Variants in RBFOX1 observed in about 807,000 individuals in gnomAD.
RBFOX1 encodes RNA binding fox-1 homolog 1.
Under a neutral mutation model 57.7 loss-of-function variants are expected in RBFOX1, and 8 were observed. That is an observed-to-expected ratio of 0.14 (90% confidence interval 0.08 to 0.25). The LOEUF (loss-of-function observed/expected upper bound fraction) is 0.25, where lower values mean the gene tolerates loss of function less well. Among genes scored for constraint, RBFOX1 ranks in the 10% least tolerant of loss-of-function variants. The pLI, the probability that RBFOX1 is intolerant of heterozygous loss-of-function variation, is 1.00. For missense variants in RBFOX1, 611 were observed against 548.5 expected, an observed-to-expected ratio of 1.11 and a Z score of -1.14; for synonymous variants, 326 against 222.4, an observed-to-expected ratio of 1.47 and a Z score of -4.15.
At chr16:7,704,065 A>G (rs542556053) in intron 14 of RBFOX1, among the ~76,000 whole-genome samples, 1 of 152,308 alleles carries the variant, frequency 6.6e-6, no homozygotes, top group African/African-American at 2.4e-5. Context: ...TCAGTCAGAA[A>G]ACTACTGCTT....
intron 3 of RBFOX1, among the ~76,000 whole-genome samples, chr16:6,676,418 G>C (rs1207098796): frequency 6.6e-6 from 1 of 152,074 alleles, no homozygotes; most frequent in African/African-American, 2.4e-5. Context: ...ACTCTCAATA[G>C]TAAATAAAGG....
intron 2 of RBFOX1, among the ~76,000 whole-genome samples, chr16:6,515,671 C>T (rs912277332): frequency 2.6e-5 from 4 of 152,116 alleles, no homozygotes; most frequent in African/African-American, 9.7e-5. Context: ...AATCTGCCTG[C>T]CTTCTCTTAT....
chr16:6,941,026 A>C (rs111359662), intron 3 of RBFOX1, among the ~76,000 whole-genome samples: 1 of 151,856 alleles, frequency 6.6e-6, no homozygotes, highest in African/African-American at 2.4e-5. Context: ...GTATACTTCT[A>C]TATGTGTATG....
intron 3 of RBFOX1, among the ~76,000 whole-genome samples, chr16:6,976,051 C>G (rs550311147): frequency 6.6e-6 from 1 of 152,072 alleles, no homozygotes; most frequent in Non-Finnish European, 1.5e-5. Flanking sequence ...TGCTTGAACC[C>G]AGTAGGTGGA....
rs148472437 is a variant in RBFOX1 at position 6,009,816 on chromosome 16, C to CTGTGTGTGTGTGTGTGTGTGTGTGTGTG, written c.351+142500_351+142501insGTGTGTGTGTGTGTGTGTGTGTGTGTGT. On this transcript the variant is annotated intron_variant, in intron 4 of 19. Transcript: ENST00000641259. ...GCAGTGTGTGTATGTGTGTGTGTGT[C>CTGTGTGTGTGTGTGTGTGTGTGTGTGTG]TGTGTGTGTGTGTGTGTGTATAGGG... Among the ~76,000 whole-genome samples the CTGTGTGTGTGTGTGTGTGTGTGTGTGTG allele has an allele frequency of 1.4e-3, 205 of 148,532 alleles. 5 individuals are homozygous for CTGTGTGTGTGTGTGTGTGTGTGTGTGTG. The highest frequency in any genetic ancestry group is 4.8e-3 in the African/African-American group (191 of 39,878).
Position 7,409,073 on chromosome 16 carries a change from C to T in RBFOX1, c.28-109074C>T, listed in dbSNP as rs146651145. Among the ~76,000 whole-genome samples, 709 of 152,312 alleles carry T rather than the reference C, an allele frequency of 4.7e-3. 4 individuals are homozygous for T. Among genetic ancestry groups the T allele is most frequent in the African/African-American group, 0.016 (651 of 41,552 alleles). Reference sequence around the variant, plus strand: ...TGCAAAGACGAGATTGCCTTGAACTCCTCCAGCTTTTCCCGATAACCCTGA... The same window carrying T: ...TGCAAAGACGAGATTGCCTTGAACTTCTCCAGCTTTTCCCGATAACCCTGA... On this transcript the variant is annotated intron_variant, in intron 4 of 15. Coordinates refer to ENST00000550418, the MANE Select transcript of RBFOX1 (RefSeq NM_018723.4).
At chr16:7,031,599 T>TAA (rs139080406) in intron 3 of RBFOX1, among the ~76,000 whole-genome samples, 36 of 145,358 alleles carry the variant, frequency 2.5e-4, no homozygotes, top group East Asian at 1.4e-3. Context: ...AGACCCTGCC[T>TAA]AAAAAAAAAA....
chr16:5,836,830 G>A (rs951878740), intron 3 of RBFOX1, among the ~76,000 whole-genome samples: 15 of 152,182 alleles, frequency 9.9e-5, no homozygotes, highest in African/African-American at 3.6e-4. Context: ...GCACCCAGAT[G>A]AGAATGCTTG....
intron 4 of RBFOX1, among the ~76,000 whole-genome samples, chr16:5,964,896 G>GTA (rs907256242): frequency 4.6e-5 from 7 of 151,954 alleles, no homozygotes; most frequent in Non-Finnish European, 7.4e-5. Flanking sequence ...TGTGGTGTGT[G>GTA]TATATATATA....
chr16:7,129,734 A>G (rs890802739), intron 4 of RBFOX1, among the ~76,000 whole-genome samples: 26 of 151,044 alleles, frequency 1.7e-4, no homozygotes, highest in African/African-American at 5.6e-4. Context: ...TGTGTGTGCT[A>G]TTTTTAAAGT....
chr16:6,980,076 A>C (rs2153586948), intron 3 of RBFOX1, among the ~76,000 whole-genome samples: 1 of 152,228 alleles, frequency 6.6e-6, no homozygotes, highest in Non-Finnish European at 1.5e-5. Flanking sequence ...TGGCACCTTG[A>C]CCCTGGTGTT....
At chr16:6,999,221 TTTTATTTA>T (rs1480243407) in intron 3 of RBFOX1, among the ~76,000 whole-genome samples, 100 of 101,220 alleles carry the variant, frequency 9.9e-4, no homozygotes, top group Admixed American at 2.5e-3. Context: ...TATTTATTTT[TTTTATTTA>T]TTTTTTTTTT....
At chr16:7,245,933 A>T in intron 4 of RBFOX1, among the ~76,000 whole-genome samples, 1 of 152,222 alleles carries the variant, frequency 6.6e-6, no homozygotes, top group East Asian at 1.9e-4. Flanking sequence ...AGCTTGAAAC[A>T]GTTCAACAAA....
chr16:7,641,275 A>G (rs981759815), intron 11 of RBFOX1, among the ~76,000 whole-genome samples: 1 of 152,218 alleles, frequency 6.6e-6, no homozygotes, highest in Non-Finnish European at 1.5e-5. Context: ...TGCAAAGACC[A>G]TGAGGAGCAG....
At position 6,856,421 on chromosome 16, in the gene RBFOX1, C is replaced by T. The variant is rs1386992811; in HGVS notation, c.-15-195636C>T. Reference sequence around the variant, plus strand: ...GAGGCTAGGATTTAGGTGAGCAATCCTGATCCCACTCAGGAGACAGCAGGA... The same window carrying T: ...GAGGCTAGGATTTAGGTGAGCAATCTTGATCCCACTCAGGAGACAGCAGGA... On this transcript the variant is annotated intron_variant, in intron 3 of 15. Coordinates refer to ENST00000550418, the MANE Select transcript of RBFOX1 (RefSeq NM_018723.4). Among the ~76,000 whole-genome samples the T allele has an allele frequency of 2.6e-5, 4 of 152,222 alleles. No homozygotes were observed. In the East Asian group the frequency reaches 7.7e-4, roughly 29 times the overall value.
chr16:5,834,972 G>GT (rs1166687488), intron 3 of RBFOX1, among the ~76,000 whole-genome samples: 1 of 152,160 alleles, frequency 6.6e-6, no homozygotes, highest in Admixed American at 6.5e-5. Flanking sequence ...CCAACAGTGC[G>GT]TAAGTGTTCC....
chr16:6,820,493 GAA>G (rs2091080404), intron 3 of RBFOX1, among the ~76,000 whole-genome samples: 1 of 152,054 alleles, frequency 6.6e-6, no homozygotes, highest in Non-Finnish European at 1.5e-5. Flanking sequence ...CGTCTCTACA[GAA>G]AAAGTTTTTA....
intron 3 of RBFOX1, chr16:6,722,102 T>C (rs1236473053): frequency 6.6e-6 from 1 of 152,188 alleles, no homozygotes; most frequent in Non-Finnish European, 1.5e-5. Context: ...ATAATACTGG[T>C]ATAAGCGCGG....
At chr16:5,954,162 C>G (rs1423622492) in intron 4 of RBFOX1, among the ~76,000 whole-genome samples, 1 of 152,128 alleles carries the variant, frequency 6.6e-6, no homozygotes, top group Non-Finnish European at 1.5e-5. Context: ...TTGTGTTTGC[C>G]TCAGTGTTTG....
Sources: gnomAD v4.1 joint callset for allele counts (sites outside exome capture counted in the v4.1 genomes callset) on GRCh38, gnomAD v4.1.1 for gene constraint, MANE v1.5 for transcripts, NCBI Gene and HGNC (gene_info 2026-07-23, HGNC 2026-07-21) for gene names.